The following UCK2 variants were observed in gnomAD, a reference collection of about 807,000 sequenced individuals.
The protein encoded by UCK2 is cytidine monophosphokinase 2.
In UCK2, 6 loss-of-function variants were observed where a neutral mutation model predicts 30.8. The observed-to-expected ratio is 0.19, with a 90% confidence interval of 0.11 to 0.38. The LOEUF (loss-of-function observed/expected upper bound fraction) is 0.38. Among genes scored for constraint, UCK2 ranks in the 10% least tolerant of loss-of-function variants. The pLI, the probability that UCK2 is intolerant of heterozygous loss-of-function variation, is 1.00. For synonymous variants in UCK2, 125 were observed against 133.6 expected, an observed-to-expected ratio of 0.94 and a Z score of 0.45; for missense variants, 210 against 339.8, an observed-to-expected ratio of 0.62 and a Z score of 3.00.
intron 1 of UCK2, among the ~76,000 whole-genome samples, chr1:165,873,874 A>G (rs1164149060): frequency 6.6e-6 from 1 of 152,216 alleles, no homozygotes; most frequent in East Asian, 1.9e-4. Context: ...TCACATCACC[A>G]GAGCCACTCA....
intron 1 of UCK2, among the ~76,000 whole-genome samples, chr1:165,874,458 G>T (rs1655283426): frequency 6.6e-6 from 1 of 152,132 alleles, no homozygotes; most frequent in Admixed American, 6.5e-5. Context: ...AAAACATGTA[G>T]CTCATATAGC....
chr1:165,870,533 G>T (rs1557841092), intron 1 of UCK2, among the ~76,000 whole-genome samples: 1 of 152,068 alleles, frequency 6.6e-6, no homozygotes, highest in Non-Finnish European at 1.5e-5. Flanking sequence ...GCTCACAGGA[G>T]TTTTTGAGCC....
chr1:165,855,509 T>A (rs933870063), intron 1 of UCK2, among the ~76,000 whole-genome samples: 1 of 150,976 alleles, frequency 6.6e-6, no homozygotes, highest in East Asian at 1.9e-4. Flanking sequence ...TTTTTTCTTT[T>A]CTTTTTTTTT....
At chr1:165,833,138 G>A (rs1165663235) in intron 1 of UCK2, among the ~76,000 whole-genome samples, 1 of 152,082 alleles carries the variant, frequency 6.6e-6, no homozygotes, top group Admixed American at 6.6e-5. Context: ...AACCTTGGTC[G>A]CCATCCCCAT....
At chr1:165,888,332 G>C (rs1489334079) in intron 1 of UCK2, among the ~76,000 whole-genome samples, 1 of 151,544 alleles carries the variant, frequency 6.6e-6, no homozygotes, top group African/African-American at 2.4e-5. Context: ...TCACTCTGTT[G>C]CCCAGGTTGG....
rs569346073 is a variant in UCK2 at position 165,859,318 on chromosome 1, C to T, written c.100-30886C>T. 2.6e-4 allele frequency among the ~76,000 whole-genome samples: 39 copies of T among 152,262 alleles called. No homozygotes were observed. The South Asian group carries it at 7.7e-3, about 30-fold the overall frequency. The stretch of plus-strand genomic sequence containing the variant: ...CCTTCCTGCGCCCCGCCCCTCCATG[C>T]ACCAGTCCAGAGCTGTGGTCTCCTT... On this transcript the variant is annotated intron_variant, in intron 1 of 6. Transcript: ENST00000367879.
At position 165,908,051 on chromosome 1, in the gene UCK2, T is replaced by C. The variant is rs1647732570; in HGVS notation, c.*228T>C. ...AAACTGTGCCAACTACTACTGGTGA[T>C]GCCTAATTATGAATCCAACGTGTAA... On this transcript the variant is annotated 3_prime_UTR_variant, in exon 7 of 7. Transcript: ENST00000367879. 2 of 495,724 alleles carry C rather than the reference T, an allele frequency of 4.0e-6. No individual in the cohort carries two copies. Among genetic ancestry groups the C allele is most frequent in the East Asian group, 6.8e-5 (2 of 29,278 alleles). The allele number at this position is 495,724 out of a possible 1,614,324, so 30.7% of individuals were successfully genotyped here.
intron 1 of UCK2, among the ~76,000 whole-genome samples, chr1:165,829,822 T>C (rs1653998433): frequency 6.6e-6 from 1 of 152,232 alleles, no homozygotes; most frequent in Non-Finnish European, 1.5e-5. Context: ...GGTCCGTTTT[T>C]CTGCAGTTTT....
At chr1:165,849,379 G>A (rs908288539) in intron 1 of UCK2, among the ~76,000 whole-genome samples, 2 of 152,154 alleles carry the variant, frequency 1.3e-5, no homozygotes, top group Non-Finnish European at 2.9e-5. Context: ...ACAACCGTGG[G>A]CTCCGATCTG....
At chr1:165,871,682 C>T (rs188080938) in intron 1 of UCK2, among the ~76,000 whole-genome samples, 1 of 151,688 alleles carries the variant, frequency 6.6e-6, no homozygotes, top group Non-Finnish European at 1.5e-5. Flanking sequence ...AAGTGAGCTA[C>T]CGAGGAGTAA....
chr1:165,907,632 C>T, intron 6 of UCK2, 52 bp from the exon 7 acceptor site: 1 of 1,601,176 alleles, frequency 6.2e-7, no homozygotes, highest in South Asian at 1.1e-5. Flanking sequence ...CCCACACTCA[C>T]CCCTGCACCC....
chr1:165,851,231 G>T (rs1299167129), intron 1 of UCK2, among the ~76,000 whole-genome samples: 1 of 152,206 alleles, frequency 6.6e-6, no homozygotes, highest in African/African-American at 2.4e-5. Context: ...GAGAAAGACG[G>T]TTGTGAAAGG....
In UCK2 at chr1:165,909,602, C is replaced by G. The variant is rs188082190; in HGVS notation, c.*1779C>G. 6.6e-6 allele frequency: 1 copy of G among 152,242 alleles called. No homozygotes were observed. Among genetic ancestry groups the G allele is most frequent in the Admixed American group, 6.5e-5 (1 of 15,288 alleles). 9.4% of individuals were successfully genotyped at this position (152,242 alleles called of 1,614,324 possible). A position where few individuals can be genotyped will look rare whatever the true frequency, so the allele number is the denominator to read the frequency against. The stretch of plus-strand genomic sequence containing the variant: ...TGCCACCCGGAGACTTTCAGGAGAC[C>G]GTGCAGGCTCTGAAGGGAGCTCCCA... On this transcript the variant is annotated 3_prime_UTR_variant, in exon 7 of 7. Transcript: ENST00000367879.
intron 1 of UCK2, among the ~76,000 whole-genome samples, chr1:165,850,624 T>A (rs1201576793): frequency 6.7e-6 from 1 of 149,804 alleles, no homozygotes; most frequent in Non-Finnish European, 1.5e-5. Context: ...AAATTTTTTT[T>A]TTTTTTTTTT....
At chr1:165,853,515 A>G (rs1654653070) in intron 1 of UCK2, among the ~76,000 whole-genome samples, 2 of 151,984 alleles carry the variant, frequency 1.3e-5, no homozygotes, top group African/African-American at 4.8e-5. Context: ...GTTTGCAGAA[A>G]GGATCTTTTT....
rs115741726 is a variant in UCK2 at position 165,875,748 on chromosome 1, G to A, written c.100-14456G>A. Reference sequence around the variant, plus strand: ...TTGCAAAGGACACAGATGAAGAGACGCACAGGGCAAGGCATGGGGAAAGAG... The same window carrying A: ...TTGCAAAGGACACAGATGAAGAGACACACAGGGCAAGGCATGGGGAAAGAG... On this transcript the variant is annotated intron_variant, in intron 1 of 6. Transcript: ENST00000367879. Among the ~76,000 whole-genome samples the A allele has an allele frequency of 4.6e-3, 696 of 152,250 alleles. 6 individuals carry two copies. Among genetic ancestry groups the A allele is most frequent in the African/African-American group, 0.015 (637 of 41,544 alleles).
intron 1 of UCK2, among the ~76,000 whole-genome samples, chr1:165,835,717 T>C (rs12133153): frequency 1.4e-4 from 21 of 152,238 alleles, no homozygotes; most frequent in Non-Finnish European, 2.6e-4. Context: ...CAGAAATGTT[T>C]ATTTTTCTTT....
chr1:165,903,847 T>G (rs1308338254), intron 5 of UCK2: 1 of 152,988 alleles, frequency 6.5e-6, no homozygotes, highest in East Asian at 1.9e-4. Context: ...AATTCTCTAG[T>G]GAGGTGGCTT....
chr1:165,839,840 C>T (rs111647736), intron 1 of UCK2, among the ~76,000 whole-genome samples: 2,623 of 152,354 alleles, frequency 0.017, 83 homozygotes, highest in African/African-American at 0.059. Flanking sequence ...AGCAATGCTT[C>T]TGCAGTGGGC....
Sources: gnomAD v4.1 joint callset for allele counts (sites outside exome capture counted in the v4.1 genomes callset) on GRCh38, gnomAD v4.1.1 for gene constraint, MANE v1.5 for transcripts, NCBI Gene and HGNC (gene_info 2026-07-23, HGNC 2026-07-21) for gene names.